Variants in SLC11A2 observed in about 807,000 individuals in gnomAD.
The protein encoded by SLC11A2 is solute carrier family 11 member 2, also known as natural resistance-associated macrophage protein 2.
A neutral mutation model predicts 68.0 loss-of-function variants in SLC11A2; 38 were observed. The observed-to-expected ratio is 0.56, with a 90% confidence interval of 0.43 to 0.73. The LOEUF (loss-of-function observed/expected upper bound fraction) is 0.73. SLC11A2 is among the 30% of genes least tolerant of loss of function. The pLI is 0.00. For synonymous variants in SLC11A2, 242 were observed against 250.6 expected, an observed-to-expected ratio of 0.97 and a Z score of 0.32; for missense variants, 517 against 690.5, an observed-to-expected ratio of 0.75 and a Z score of 2.82.
At chr12:51,005,271 T>C (rs1007129177) in intron 4 of SLC11A2, 40 bp downstream of exon 4, 1 of 1,608,726 alleles carries the variant, frequency 6.2e-7, no homozygotes, top group African/African-American at 1.3e-5. Context: ...TGAGAGTGTA[T>C]TATGTGCTTA....
At chr12:51,009,372 A>G (rs953839919) in intron 2 of SLC11A2, 1 of 1,083,092 alleles carries the variant, frequency 9.2e-7, no homozygotes, top group East Asian at 3.4e-5. Context: ...AATCTTAAAT[A>G]TTGGGAAGCA....
chr12:50,973,065 G>A, the SLC11A2 span, among the ~76,000 whole-genome samples: 1 of 152,118 alleles, frequency 6.6e-6, no homozygotes, highest in Non-Finnish European at 1.5e-5. Context: ...ACCTCTGGGG[G>A]CAGGGCATAG....
At chr12:50,982,944 A>C (rs1426929339), downstream of SLC11A2, among the ~76,000 whole-genome samples, 1 of 151,526 alleles carries the variant, frequency 6.6e-6, no homozygotes, top group Non-Finnish European at 1.5e-5. Flanking sequence ...CCGTCAAAAA[A>C]AAAAAAAAAA....
chr12:51,026,392 G>T, upstream of SLC11A2: 1 of 1,269,306 alleles, frequency 7.9e-7, no homozygotes, highest in Non-Finnish European at 1.0e-6. Flanking sequence ...GCTGGCTAAC[G>T]CCCTCCCCTC....
chr12:50,987,726 T>A lies in SLC11A2; in HGVS notation c.*599A>T. Reference sequence around the variant, plus strand: ...TTCCCCTTCTTTGTTTTCTCACCCCTCTTAACTTCCACTGAGAAATTAAAG... The same window carrying A: ...TTCCCCTTCTTTGTTTTCTCACCCCACTTAACTTCCACTGAGAAATTAAAG... On this transcript the variant is annotated 3_prime_UTR_variant, in exon 16 of 16. Coordinates refer to ENST00000262052, the MANE Select transcript of SLC11A2 (RefSeq NM_000617.3). The A allele has an allele frequency of 3.9e-6, 5 of 1,287,158 alleles. No homozygotes were observed. The highest frequency in any genetic ancestry group is 5.1e-6 in the Non-Finnish European group (5 of 988,658). 79.7% of individuals were successfully genotyped at this position (1,287,158 alleles called of 1,614,324 possible). A position where few individuals can be genotyped will look rare whatever the true frequency, so the allele number is the denominator to read the frequency against.
At position 50,987,166 on chromosome 12, in the gene SLC11A2, T is replaced by C; in HGVS notation, c.*1159A>G. 2.3e-6 allele frequency: 3 copies of C among 1,283,632 alleles called. No homozygotes were observed. Among genetic ancestry groups the C allele is most frequent in the Non-Finnish European group, 3.0e-6 (3 of 986,468 alleles). The allele number at this position is 1,283,632 out of a possible 1,614,324, so 79.5% of individuals were successfully genotyped here. A position where few individuals can be genotyped will look rare whatever the true frequency, so the allele number is the denominator to read the frequency against. ...AGAGCTCCACCATCTGGTCTCAAGA[T>C]TTTTCCCTCTGAGGAAACAGCTGTA... On this transcript the variant is annotated 3_prime_UTR_variant, in exon 16 of 16. Coordinates refer to ENST00000262052, the MANE Select transcript of SLC11A2 (RefSeq NM_000617.3).
At chr12:51,022,671 AAAGAAAAATT>A (rs1286072312) in intron 1 of SLC11A2, among the ~76,000 whole-genome samples, 1 of 152,214 alleles carries the variant, frequency 6.6e-6, no homozygotes, top group African/African-American at 2.4e-5. Context: ...TCCTAAAAGC[AAAGAAAAATT>A]AAGACAATAT....
intron 2 of SLC11A2, among the ~76,000 whole-genome samples, chr12:51,010,440 C>T (rs1322997792): frequency 6.6e-6 from 1 of 151,110 alleles, no homozygotes; most frequent in Non-Finnish European, 1.5e-5. Flanking sequence ...ATCACTTGAA[C>T]CCATGAGGCG....
chr12:50,967,102 A>C, the SLC11A2 span, among the ~76,000 whole-genome samples: 1 of 146,962 alleles, frequency 6.8e-6, no homozygotes, highest in Non-Finnish European at 1.5e-5. Flanking sequence ...TGATGGAGCA[A>C]GACTCAGTCT....
chr12:51,001,491 G>A (rs1942222439), intron 5 of SLC11A2, among the ~76,000 whole-genome samples: 2 of 150,752 alleles, frequency 1.3e-5, no homozygotes, highest in Admixed American at 6.6e-5. Flanking sequence ...CCCATGACAC[G>A]TGTTTATCTA....
rs1163060001 is a variant in SLC11A2 at position 50,986,832 on chromosome 12, A to T, written c.*1493T>A. 7.8e-7 allele frequency: 1 copy of T among 1,287,106 alleles called. No individual in the cohort carries two copies. Among genetic ancestry groups the T allele is most frequent in the Non-Finnish European group, 1.0e-6 (1 of 988,702 alleles). The allele number at this position is 1,287,106 out of a possible 1,614,324, so 79.7% of individuals were successfully genotyped here. A position where few individuals can be genotyped will look rare whatever the true frequency, so the allele number is the denominator to read the frequency against. On this transcript the variant is annotated 3_prime_UTR_variant, in exon 16 of 16. Coordinates refer to ENST00000262052, the MANE Select transcript of SLC11A2 (RefSeq NM_000617.3). Reference sequence around the variant, plus strand: ...TTAAATGCCTTATAAAAGACCATCCATCCAGTCTGCGCTTTTGACTGTGTG... The same window carrying T: ...TTAAATGCCTTATAAAAGACCATCCTTCCAGTCTGCGCTTTTGACTGTGTG...
chr12:51,009,747 G>A (rs1440341442), intron 2 of SLC11A2, among the ~76,000 whole-genome samples: 1 of 152,214 alleles, frequency 6.6e-6, no homozygotes, highest in Non-Finnish European at 1.5e-5. Context: ...ATCATGAGTA[G>A]CCAAAACACT....
At chr12:51,027,755 T>G (rs1944447008), upstream of SLC11A2, among the ~76,000 whole-genome samples, 1 of 152,166 alleles carries the variant, frequency 6.6e-6, no homozygotes, top group Non-Finnish European at 1.5e-5. Flanking sequence ...TCGCACTGCT[T>G]ACAGCATTAA....
At chr12:50,958,799 T>G in the SLC11A2 span, among the ~76,000 whole-genome samples, 1 of 151,520 alleles carries the variant, frequency 6.6e-6, no homozygotes, top group African/African-American at 2.4e-5. Context: ...GGTGGATCAC[T>G]TGGGGCCAGG....
At chr12:51,013,158 C>T (rs1592418329) in intron 1 of SLC11A2, among the ~76,000 whole-genome samples, 2 of 152,270 alleles carry the variant, frequency 1.3e-5, no homozygotes, top group South Asian at 4.1e-4. Context: ...ATCAATTAGT[C>T]TTGGGCTATT....
At chr12:50,967,646 G>A in the SLC11A2 span, among the ~76,000 whole-genome samples, 4 of 152,224 alleles carry the variant, frequency 2.6e-5, no homozygotes, top group African/African-American at 9.6e-5. Flanking sequence ...CCTTATAACT[G>A]AAAACATGGC....
chr12:50,998,263 G>A (rs1244067963), intron 8 of SLC11A2, among the ~76,000 whole-genome samples: 5 of 152,062 alleles, frequency 3.3e-5, no homozygotes, highest in Non-Finnish European at 5.9e-5. Context: ...GGAGGCTGAG[G>A]CACAAGAACC....
downstream of SLC11A2, chr12:50,980,690 T>A (rs1335540100): frequency 6.6e-6 from 1 of 152,212 alleles, no homozygotes; most frequent in African/African-American, 2.4e-5. Flanking sequence ...GTGAAACATT[T>A]AGCATTCCCT....
the SLC11A2 span, among the ~76,000 whole-genome samples, chr12:50,967,227 T>C: frequency 6.6e-6 from 1 of 152,096 alleles, no homozygotes; most frequent in Non-Finnish European, 1.5e-5. Context: ...GATATCCTCC[T>C]GCCTCTTCTG....
Sources: gnomAD v4.1 joint callset for allele counts (sites outside exome capture counted in the v4.1 genomes callset) on GRCh38, gnomAD v4.1.1 for gene constraint, MANE v1.5 for transcripts, NCBI Gene and HGNC (gene_info 2026-07-23, HGNC 2026-07-21) for gene names.